NLGN1: variants seen among roughly 807,000 people sequenced by gnomAD.
NLGN1 encodes neuroligin 1.
NLGN1 carries 12 observed loss-of-function variants against 65.5 expected under a neutral mutation model. The observed-to-expected ratio is 0.18, with a 90% CI of 0.12 to 0.30. The LOEUF is 0.30. NLGN1 is among the 10% of genes least tolerant of loss of function. The pLI is 1.00. For missense variants in NLGN1, 750 were observed against 1,007.1 expected (o/e 0.74, Z 3.46); for synonymous variants, 350 against 359.5 (o/e 0.97, Z 0.30).
At chr3:173,778,366 A>G (rs568536478) in intron 3 of NLGN1, among the ~76,000 whole-genome samples, 107 of 151,962 alleles carry the variant, frequency 7.0e-4, no homozygotes, top group African/African-American at 2.5e-3. Flanking sequence ...CGAATAATTT[A>G]CAGCAGAATT....
At chr3:173,730,492 A>AT (rs1019347135) in intron 3 of NLGN1, among the ~76,000 whole-genome samples, 1 of 151,996 alleles carries the variant, frequency 6.6e-6, no homozygotes, top group African/African-American at 2.4e-5. Flanking sequence ...TGAAAATGAG[A>AT]TTTTTACACC....
intron 4 of NLGN1, among the ~76,000 whole-genome samples, chr3:173,960,397 C>G (rs952437054): frequency 7.2e-5 from 11 of 151,906 alleles, no homozygotes; most frequent in African/African-American, 2.7e-4. Flanking sequence ...TATTTTTCTA[C>G]TAATATCTAA....
chr3:174,073,752 C>T (rs1409532236), intron 4 of NLGN1, among the ~76,000 whole-genome samples: 1 of 152,206 alleles, frequency 6.6e-6, no homozygotes, highest in African/African-American at 2.4e-5. Flanking sequence ...AGAGCAGACA[C>T]ACTTACCTGA....
intron 3 of NLGN1, among the ~76,000 whole-genome samples, chr3:173,658,141 A>G (rs574249190): frequency 3.9e-5 from 6 of 152,116 alleles, no homozygotes; most frequent in Admixed American, 2.6e-4. Flanking sequence ...TGCTGTGGCT[A>G]TACATATTTA....
chr3:174,001,641 T>C lies in NLGN1; in HGVS notation c.646+193809T>C, dbSNP rs191572977. On this transcript the variant is annotated intron_variant, in intron 4 of 6. Transcript: ENST00000457714. Reference sequence around the variant, plus strand: ...ATCTCTGACCTTGTTTCCTCATCAATAGAGTAATATGTACCTCATTACTAT... The same window carrying C: ...ATCTCTGACCTTGTTTCCTCATCAACAGAGTAATATGTACCTCATTACTAT... Among the ~76,000 whole-genome samples the C allele has an allele frequency of 3.9e-5, 6 of 152,272 alleles. No homozygotes were observed. The East Asian group carries it at 1.2e-3, about 29-fold the overall frequency.
intron 4 of NLGN1, among the ~76,000 whole-genome samples, chr3:173,812,216 T>C (rs1718087468): frequency 6.6e-6 from 1 of 152,214 alleles, no homozygotes; most frequent in African/African-American, 2.4e-5. Context: ...GCTCACCTAC[T>C]TATATTTAAA....
intron 4 of NLGN1, among the ~76,000 whole-genome samples, chr3:173,949,408 A>G (rs886136952): frequency 6.6e-6 from 1 of 152,174 alleles, no homozygotes. Context: ...AGAAAGATGT[A>G]TCTTCTTACG....
intron 3 of NLGN1, among the ~76,000 whole-genome samples, chr3:173,792,491 C>T (rs1283098258): frequency 6.6e-6 from 1 of 152,108 alleles, no homozygotes; most frequent in South Asian, 2.1e-4. Context: ...GTAGAGGAGA[C>T]TCTCCATGTT....
At chr3:174,273,001 C>CT (rs372623188) in intron 4 of NLGN1, among the ~76,000 whole-genome samples, 14,197 of 144,418 alleles carry the variant, frequency 0.098, 866 homozygotes, top group Middle Eastern at 0.14. Context: ...TTCAGAGGAA[C>CT]TTTTTTTTTT....
chr3:174,171,201 C>A lies in NLGN1; in HGVS notation c.647-104114C>A, dbSNP rs1441950071. Among the ~76,000 whole-genome samples, 3 of 152,176 alleles carry A rather than the reference C, an allele frequency of 2.0e-5. No individual in the cohort carries two copies. The East Asian group carries it at 5.8e-4, about 29-fold the overall frequency. ...TTTTGCAAACAAATGAAATACATATCTTTTACCACTCTAAAATAACTTAAA... is the reference window on the plus strand; with the variant it reads ...TTTTGCAAACAAATGAAATACATATATTTTACCACTCTAAAATAACTTAAA... On this transcript the variant is annotated intron_variant, in intron 4 of 6. Coordinates refer to ENST00000457714, the Ensembl canonical transcript of NLGN1.
At chr3:173,652,553 A>G (rs1022830452) in intron 3 of NLGN1, among the ~76,000 whole-genome samples, 2 of 152,166 alleles carry the variant, frequency 1.3e-5, no homozygotes, top group African/African-American at 2.4e-5. Context: ...TCTGTTGGCT[A>G]TAGATATGTA....
chr3:174,070,321 A>G (rs1245168018), intron 4 of NLGN1, among the ~76,000 whole-genome samples: 3 of 149,080 alleles, frequency 2.0e-5, no homozygotes, highest in South Asian at 2.1e-4. Flanking sequence ...ATACCTCACT[A>G]TCTCTGACTT....
chr3:174,255,145 C>G (rs971134777), intron 4 of NLGN1, among the ~76,000 whole-genome samples: 8 of 151,964 alleles, frequency 5.3e-5, no homozygotes, highest in Admixed American at 3.9e-4. Flanking sequence ...AACGTTTAAG[C>G]GAAACCTTAG....
chr3:173,641,444 G>A (rs925377320), intron 3 of NLGN1, among the ~76,000 whole-genome samples: 2 of 152,078 alleles, frequency 1.3e-5, no homozygotes, highest in Non-Finnish European at 2.9e-5. Context: ...ACAGGCGTGT[G>A]TGCCACCACG....
chr3:174,289,293 T>C (rs1421767825), downstream of NLGN1, among the ~76,000 whole-genome samples: 1 of 151,430 alleles, frequency 6.6e-6, no homozygotes, highest in Non-Finnish European at 1.5e-5. Context: ...ATTCACTAAT[T>C]CGTTGTTTAA....
chr3:174,048,984 A>G (rs944738101), intron 4 of NLGN1, among the ~76,000 whole-genome samples: 3 of 152,082 alleles, frequency 2.0e-5, no homozygotes, highest in Admixed American at 2.0e-4. Context: ...CCCAAAGATA[A>G]ACAAAAATTT....
intron 3 of NLGN1, among the ~76,000 whole-genome samples, chr3:173,740,083 G>T (rs1223837550): frequency 6.6e-6 from 1 of 152,100 alleles, no homozygotes; most frequent in African/African-American, 2.4e-5. Flanking sequence ...AATTTTGGTT[G>T]TGTAGCCTCA....
rs1366066062 is a variant in NLGN1 at position 174,154,491 on chromosome 3, A to C, written c.647-120824A>C. On this transcript the variant is annotated intron_variant, in intron 4 of 6. Transcript: ENST00000457714. Reference sequence around the variant, plus strand: ...CAAGTTTTTATGAAGGAATATTACTACAAGGAATTTTACTGAACCGGAAAG... The same window carrying C: ...CAAGTTTTTATGAAGGAATATTACTCCAAGGAATTTTACTGAACCGGAAAG... Among the ~76,000 whole-genome samples the C allele has an allele frequency of 2.0e-5, 3 of 152,058 alleles. No homozygotes were observed. In the East Asian group the frequency reaches 5.8e-4, roughly 29 times the overall value.
chr3:173,708,872 T>G (rs1326751383), intron 3 of NLGN1, among the ~76,000 whole-genome samples: 2 of 152,210 alleles, frequency 1.3e-5, no homozygotes, highest in Non-Finnish European at 2.9e-5. Flanking sequence ...TATATATGCT[T>G]TAGGAAAAAG....
Sources: allele counts gnomAD v4.1 joint callset (sites outside exome capture counted in the v4.1 genomes callset), GRCh38; gene constraint gnomAD v4.1.1; transcripts MANE v1.5; gene names NCBI Gene and HGNC (gene_info 2026-07-23, HGNC 2026-07-21).